Variants in PKIA observed in about 807,000 individuals in gnomAD.
PKIA encodes PKI-alpha.
In PKIA, 4 loss-of-function variants were observed where a neutral mutation model predicts 7.6. That is an observed-to-expected ratio of 0.52 (90% confidence interval 0.26 to 1.20). PKIA has a LOEUF of 1.20. Ranked by LOEUF, PKIA falls within the 50% of genes most tolerant of loss-of-function variation. The probability of loss-of-function intolerance (pLI) is 0.13; values close to 1 mark genes in which losing one functional copy is unlikely to be tolerated. For missense variants in PKIA, 73 were observed against 86.2 expected (o/e 0.85, Z 0.61); for synonymous variants, 21 against 30.7 (o/e 0.68, Z 1.04).
At chr8:78,521,987 C>A (rs1446204306) in intron 1 of PKIA, among the ~76,000 whole-genome samples, 2 of 151,730 alleles carry the variant, frequency 1.3e-5, no homozygotes, top group Non-Finnish European at 3.0e-5. Flanking sequence ...ACATATTTGT[C>A]CTTTTGTCTC....
chr8:78,544,766 A>G (rs1270123495), intron 1 of PKIA, among the ~76,000 whole-genome samples: 3 of 152,208 alleles, frequency 2.0e-5, no homozygotes, highest in African/African-American at 7.2e-5. Flanking sequence ...TACCTTATCT[A>G]AACACATTCA....
chr8:78,517,894 C>G (rs1042166275), intron 1 of PKIA, among the ~76,000 whole-genome samples: 5 of 152,122 alleles, frequency 3.3e-5, no homozygotes, highest in Admixed American at 6.5e-5. Context: ...GATCTGTTAT[C>G]TTTAAACTTA....
intron 1 of PKIA, among the ~76,000 whole-genome samples, chr8:78,537,311 A>G (rs1001575737): frequency 1.3e-5 from 2 of 151,980 alleles, no homozygotes; most frequent in Admixed American, 6.6e-5. Flanking sequence ...ATAAACTTTT[A>G]GCAAAATTTA....
rs762591490 is a variant in PKIA at position 78,601,829 on chromosome 8, C to T, written c.*8C>T. 3 of 1,601,932 alleles carry T rather than the reference C, an allele frequency of 1.9e-6. No individual in the cohort carries two copies. In the Admixed American group the frequency reaches 5.0e-5, roughly 27 times the overall value. On this transcript the variant is annotated 3_prime_UTR_variant, in exon 4 of 4. Transcript: ENST00000396418. The stretch of plus-strand genomic sequence containing the variant: ...GCAAAATCTGAAAGCTAACACCCCA[C>T]TTTGACCCTCGACCACACCTGAAAA...
At chr8:78,578,696 C>G (rs1304317143) in intron 2 of PKIA, among the ~76,000 whole-genome samples, 1 of 151,948 alleles carries the variant, frequency 6.6e-6, no homozygotes, top group Admixed American at 6.6e-5. Context: ...CTTCCTTTCT[C>G]ACTTCACATT....
chr8:78,521,651 T>C (rs1809419476), intron 1 of PKIA, among the ~76,000 whole-genome samples: 1 of 152,058 alleles, frequency 6.6e-6, no homozygotes, highest in Admixed American at 6.6e-5. Flanking sequence ...TAAAATGTTA[T>C]GAAAACTTTA....
intron 2 of PKIA, among the ~76,000 whole-genome samples, chr8:78,597,166 T>C (rs1038621651): frequency 6.1e-5 from 9 of 148,358 alleles, no homozygotes; most frequent in African/African-American, 2.4e-4. Flanking sequence ...CCATTTGGAC[T>C]CTTTTTTGGT....
chr8:78,564,012 G>A (rs570666821), intron 1 of PKIA, among the ~76,000 whole-genome samples: 1 of 151,958 alleles, frequency 6.6e-6, no homozygotes, highest in African/African-American at 2.4e-5. Context: ...AACAAAAAGG[G>A]AATACGAAGA....
chr8:78,596,652 G>A (rs1223327050), intron 2 of PKIA, among the ~76,000 whole-genome samples: 2 of 152,168 alleles, frequency 1.3e-5, no homozygotes, highest in Admixed American at 1.3e-4. Context: ...CTTTTGCTGT[G>A]CAGAAGCTCT....
At chr8:78,559,084 G>A (rs568701337) in intron 1 of PKIA, among the ~76,000 whole-genome samples, 1 of 152,046 alleles carries the variant, frequency 6.6e-6, no homozygotes, top group Non-Finnish European at 1.5e-5. Context: ...ACAACGCCTG[G>A]CTAATGTTTG....
intron 1 of PKIA, among the ~76,000 whole-genome samples, chr8:78,532,295 G>A (rs1585871448): frequency 6.6e-6 from 1 of 151,796 alleles, no homozygotes; most frequent in East Asian, 1.9e-4. Flanking sequence ...TTTTAGTAAG[G>A]TTGTAAATTA....
chr8:78,517,708 A>T (rs1027720489), intron 1 of PKIA, among the ~76,000 whole-genome samples: 1 of 152,152 alleles, frequency 6.6e-6, no homozygotes, highest in Admixed American at 6.5e-5. Context: ...ACCCCTTGCT[A>T]CTGAGCCCAA....
chr8:78,520,511 A>T (rs1809395578), intron 1 of PKIA, among the ~76,000 whole-genome samples: 1 of 152,192 alleles, frequency 6.6e-6, no homozygotes, highest in Non-Finnish European at 1.5e-5. Flanking sequence ...TGAATTTTAC[A>T]CTAAGAAAAC....
chr8:78,591,248 G>T (rs769576208), intron 2 of PKIA: 1 of 152,600 alleles, frequency 6.6e-6, no homozygotes, highest in Admixed American at 6.5e-5. Flanking sequence ...AGAATCCATC[G>T]ATGTGGAACA....
In PKIA at chr8:78,601,761, A is replaced by G. The variant is rs1216611739; in HGVS notation, c.171A>G (p.Gln57=). 5 of 1,612,294 alleles carry G rather than the reference A, an allele frequency of 3.1e-6. No individual in the cohort carries two copies. The highest frequency in any genetic ancestry group is 4.2e-6 in the Non-Finnish European group (5 of 1,178,850). ...TTGCAGAAGGTGAAGAAGATGCACAACGAAGTTCTACAGAACAAAGTGGGG... is the reference window on the plus strand; with the variant it reads ...TTGCAGAAGGTGAAGAAGATGCACAGCGAAGTTCTACAGAACAAAGTGGGG... ...INKTEGEEDA[Q]RSSTEQSGEA... The change falls in exon 4 of 4, where the codon CAA becomes CAG. Residue 57 remains glutamine (Q), a synonymous_variant. Coordinates refer to ENST00000396418, the MANE Select transcript of PKIA (RefSeq NM_006823.4).
intron 1 of PKIA, among the ~76,000 whole-genome samples, chr8:78,516,672 C>T (rs1008012451): frequency 3.9e-5 from 6 of 152,234 alleles, no homozygotes; most frequent in Non-Finnish European, 5.9e-5. Flanking sequence ...ACAAAGAAGG[C>T]GTTCTTGCCT....
chr8:78,598,788 A>G (rs7822522), intron 3 of PKIA, among the ~76,000 whole-genome samples: 4,035 of 152,200 alleles, frequency 0.027, 79 homozygotes, highest in African/African-American at 0.054. Context: ...TCAATAAAAC[A>G]CATGGTGTGT....
chr8:78,534,480 C>T (rs1806469998), intron 1 of PKIA: 1 of 152,092 alleles, frequency 6.6e-6, no homozygotes, highest in South Asian at 2.1e-4. Flanking sequence ...TACTTTTTCT[C>T]CTCCTACTCC....
intron 1 of PKIA, among the ~76,000 whole-genome samples, chr8:78,521,119 C>CA (rs1431294418): frequency 6.6e-6 from 1 of 151,906 alleles, no homozygotes; most frequent in Non-Finnish European, 1.5e-5. Flanking sequence ...GCCATTTTTA[C>CA]AAAAAAGAAA....
Sources: allele counts gnomAD v4.1 joint callset (sites outside exome capture counted in the v4.1 genomes callset), GRCh38; gene constraint gnomAD v4.1.1; transcripts MANE v1.5; gene names NCBI Gene and HGNC (gene_info 2026-07-23, HGNC 2026-07-21).